The following IFT122 variants were observed in gnomAD, a reference collection of about 807,000 sequenced individuals.
IFT122 encodes intraflagellar transport 122, also known as intraflagellar transport protein 122 homolog.
In IFT122, 118 loss-of-function variants were observed where a neutral mutation model predicts 161.6. The ratio of observed to expected loss-of-function variants is 0.73; its 90% CI spans 0.63 to 0.85. The LOEUF (loss-of-function observed/expected upper bound fraction) is 0.85. IFT122 is among the 40% of genes least tolerant of loss of function. IFT122 has a pLI of 0.00. For missense variants in IFT122, 1,381 were observed against 1,579.6 expected (o/e 0.87, Z 2.13); for synonymous variants, 550 against 602.4 (o/e 0.91, Z 1.27).
rs1465400943 is a variant in IFT122 at position 129,519,687 on chromosome 3, A to G, written c.3591A>G (p.Ser1197=). The G allele has an allele frequency of 6.2e-6, 10 of 1,613,666 alleles. No homozygotes were observed. Among genetic ancestry groups the G allele is most frequent in the Admixed American group, 1.7e-5 (1 of 59,994 alleles). ...CCCTGAGGTGGCAATACTTCCGCTC[A>G]CTGCTGCCTGACGCCTCCATTACCA... is the stretch of plus-strand genomic sequence containing the variant. ...PPPLRWQYFR[S]LLPDASITMC... is the part of the protein sequence containing the mutation. Residue 1197 remains serine, a synonymous_variant, in exon 29 of 30, where the codon TCA becomes TCG. Coordinates refer to ENST00000348417, the MANE Select transcript of IFT122 (RefSeq NM_052989.3).
intron 4 of IFT122, chr3:129,460,828 TGTC>T: frequency 6.3e-7 from 1 of 1,588,482 alleles, no homozygotes; most frequent in Non-Finnish European, 8.6e-7. Flanking sequence ...CTTTCATTGT[TGTC>T]TAAGGATTTG....
intron 20 of IFT122, 121 bp from the exon 21 acceptor site, chr3:129,504,198 T>TC (rs2108560579): frequency 6.2e-6 from 5 of 808,248 alleles, no homozygotes; most frequent in East Asian, 2.5e-5. Flanking sequence ...GGAGGCACTC[T>TC]CCCCCTCTGA....
intron 1 of IFT122, among the ~76,000 whole-genome samples, chr3:129,446,886 T>C (rs1189681337): frequency 6.6e-6 from 1 of 152,246 alleles, no homozygotes; most frequent in Non-Finnish European, 1.5e-5. Context: ...TGTTTGTTTT[T>C]TGTGTGTTTT....
intron 4 of IFT122, 88 bp downstream of exon 4, chr3:129,458,765 CTT>C: frequency 1.0e-6 from 1 of 991,512 alleles, no homozygotes; most frequent in Non-Finnish European, 1.6e-6. Context: ...TAGGAGAAAA[CTT>C]TTTTCTCTTA....
In IFT122 at chr3:129,476,779, G is replaced by A; in HGVS notation, c.1125G>A (p.Gln375=). ...YRDSMTDVIV[Q]HLITEQKVRI... The stretch of plus-strand genomic sequence containing the variant: ...ATAGCATGACTGACGTCATTGTGCA[G>A]CACCTGATCACTGAGCAGAAAGGTA... The change falls in exon 11 of 30, where the codon CAG becomes CAA. Residue 375 remains glutamine (Q), a synonymous_variant. Coordinates refer to ENST00000348417, the MANE Select transcript of IFT122 (RefSeq NM_052989.3). The A allele has an allele frequency of 1.2e-6, 2 of 1,614,192 alleles. No homozygotes were observed. Among genetic ancestry groups the A allele is most frequent in the Non-Finnish European group, 1.7e-6 (2 of 1,180,044 alleles).
At chr3:129,447,760 C>T (rs1023786474) in intron 1 of IFT122, among the ~76,000 whole-genome samples, 1 of 152,198 alleles carries the variant, frequency 6.6e-6, no homozygotes, top group Admixed American at 6.5e-5. Context: ...ATCCGCCCGC[C>T]TCGGCCTCCC....
chr3:129,480,733 G>GCTACT (rs1426322777), intron 13 of IFT122, among the ~76,000 whole-genome samples: 1 of 152,202 alleles, frequency 6.6e-6, no homozygotes, highest in Non-Finnish European at 1.5e-5. Context: ...TTCTTACTTA[G>GCTACT]CTACTCACTG....
At position 129,464,667 on chromosome 3, in the gene IFT122, G is replaced by T; in HGVS notation, c.449G>T (p.Gly150Val). The T allele has an allele frequency of 6.2e-7, 1 of 1,613,958 alleles. No homozygotes were observed. The highest frequency in any genetic ancestry group is 8.5e-7 in the Non-Finnish European group (1 of 1,179,990). Residue 150 changes from glycine to valine, a missense_variant, in exon 7 of 30, where the codon GGG becomes GTG. Gly to Val is a moderately radical substitution (Grantham distance 109). Coordinates refer to ENST00000348417, the MANE Select transcript of IFT122 (RefSeq NM_052989.3). The stretch of plus-strand genomic sequence containing the variant: ...AATGATGGTCAGTACCTGGCGCTGG[G>T]GATGTTCAATGGGATCATCAGCATA... ...WTNDGQYLAL[G>V]MFNGIISIRN...
intron 3 of IFT122, among the ~76,000 whole-genome samples, chr3:129,454,513 T>TTGTGTGTGTGTGTGTGTGTGTGTG (rs61557048): frequency 7.6e-6 from 1 of 131,224 alleles, no homozygotes; most frequent in African/African-American, 3.0e-5. Context: ...GTAGTCATAT[T>TTGTGTGTGTGTGTGTGTGTGTGTG]TGTGTGTGTG....
At chr3:129,500,190 G>C in intron 19 of IFT122, 122 bp downstream of exon 19, 1 of 1,187,868 alleles carries the variant, frequency 8.4e-7, no homozygotes, top group Non-Finnish European at 1.2e-6. Context: ...TAGTGGCTAG[G>C]TTCTTCAGGA....
At chr3:129,448,358 T>C (rs1490442530) in intron 1 of IFT122, among the ~76,000 whole-genome samples, 1 of 152,158 alleles carries the variant, frequency 6.6e-6, no homozygotes, top group East Asian at 1.9e-4. Flanking sequence ...ATAGATAAGC[T>C]TGAGGAGGTG....
intron 19 of IFT122, among the ~76,000 whole-genome samples, chr3:129,501,587 T>C (rs1470944126): frequency 6.6e-6 from 1 of 152,258 alleles, no homozygotes; most frequent in East Asian, 1.9e-4. Context: ...TGCTCTGTTC[T>C]CTCTTCTGGT....
At chr3:129,511,951 A>G (rs1486421239) in intron 23 of IFT122, among the ~76,000 whole-genome samples, 1 of 152,246 alleles carries the variant, frequency 6.6e-6, no homozygotes, top group Non-Finnish European at 1.5e-5. Flanking sequence ...GAGAAATGGA[A>G]TAATTACCAA....
chr3:129,467,195 C>A, intron 8 of IFT122, 129 bp downstream of exon 8: 2 of 814,024 alleles, frequency 2.5e-6, no homozygotes, highest in Non-Finnish European at 3.9e-6. Flanking sequence ...GGTGAAAGCG[C>A]CTTCAAAAAA....
chr3:129,506,295 A>G (rs957540809), intron 21 of IFT122, 114 bp from the exon 22 acceptor site: 6 of 1,216,434 alleles, frequency 4.9e-6, no homozygotes, highest in African/African-American at 3.0e-5. Context: ...AGATGCTCCA[A>G]TGAGTGTCCT....
At chr3:129,474,250 T>C (rs2077668824) in intron 9 of IFT122, among the ~76,000 whole-genome samples, 1 of 152,236 alleles carries the variant, frequency 6.6e-6, no homozygotes, top group Non-Finnish European at 1.5e-5. Context: ...AATTGGCTGT[T>C]CACTTTAACT....
intron 9 of IFT122, chr3:129,476,100 A>G (rs1448089732): frequency 3.4e-6 from 2 of 589,244 alleles, no homozygotes; most frequent in Admixed American, 2.7e-5. Flanking sequence ...CACTGACTCC[A>G]GGAGCTGAGG....
At chr3:129,480,287 G>A (rs2078488779) in intron 13 of IFT122, among the ~76,000 whole-genome samples, 1 of 152,228 alleles carries the variant, frequency 6.6e-6, no homozygotes, top group Admixed American at 6.5e-5. Flanking sequence ...TTAGGGCAGC[G>A]AGTGGATTAA....
At chr3:129,461,620 T>C (rs896468096) in intron 5 of IFT122, 2 of 421,742 alleles carry the variant, frequency 4.7e-6, no homozygotes, top group Non-Finnish European at 8.9e-6. Flanking sequence ...TGTTGCTGCC[T>C]CTGGGAAGCC....
Sources: gnomAD v4.1 joint callset for allele counts (sites outside exome capture counted in the v4.1 genomes callset) on GRCh38, gnomAD v4.1.1 for gene constraint, MANE v1.5 for transcripts, NCBI Gene and HGNC (gene_info 2026-07-23, HGNC 2026-07-21) for gene names.